RAB9A: variants seen among roughly 807,000 people sequenced by gnomAD.
The protein encoded by RAB9A is RAB9A, member RAS oncogene family.
Under a neutral mutation model 10.3 loss-of-function variants are expected in RAB9A, and 1 was observed. The ratio of observed to expected loss-of-function variants is 0.10; its 90% CI spans 0.03 to 0.46. RAB9A has a LOEUF of 0.46. Ranked by LOEUF, RAB9A falls within the 20% of genes least tolerant of loss-of-function variation. RAB9A has a pLI of 0.96. For synonymous variants in RAB9A, 39 were observed against 55.2 expected (o/e 0.71, Z 1.30); for missense variants, 92 against 150.3 (o/e 0.61, Z 2.03).
chrX:13,696,423 T>A (rs1156700912), intron 1 of RAB9A, among the ~76,000 whole-genome samples: 2 of 109,801 alleles, frequency 1.8e-5, no homozygotes, highest in Non-Finnish European at 3.8e-5. Flanking sequence ...CTCTGTCTTT[T>A]AAAAAAAGAA....
chrX:13,698,677 T>C (rs768967478), intron 1 of RAB9A, among the ~76,000 whole-genome samples: 138 of 112,273 alleles, frequency 1.2e-3, no homozygotes, highest in African/African-American at 4.4e-3. Context: ...ACATAATGAC[T>C]TTCCTTGACT....
intron 1 of RAB9A, among the ~76,000 whole-genome samples, chrX:13,700,202 G>A (rs757185770): frequency 5.4e-4 from 60 of 111,670 alleles, no homozygotes; most frequent in Non-Finnish European, 8.7e-4. Flanking sequence ...TGCCCATCTC[G>A]GCTTCCCAAA....
intron 1 of RAB9A, among the ~76,000 whole-genome samples, chrX:13,691,379 T>C (rs1307008112): frequency 9.0e-6 from 1 of 111,556 alleles, no homozygotes; most frequent in Admixed American, 9.5e-5. Flanking sequence ...AAAGAGTGAG[T>C]GGCTGGGCAC....
intron 2 of RAB9A, among the ~76,000 whole-genome samples, chrX:13,705,924 C>T (rs764439146): frequency 7.2e-5 from 8 of 110,743 alleles, no homozygotes; most frequent in African/African-American, 2.3e-4. Context: ...ATTTTAGTTC[C>T]GGGTGATGGT....
At chrX:13,701,937 T>C (rs955809614) in intron 1 of RAB9A, among the ~76,000 whole-genome samples, 1 of 111,276 alleles carries the variant, frequency 9.0e-6, no homozygotes, top group Non-Finnish European at 1.9e-5. Context: ...AAGGCCTTCC[T>C]CCCCACCTCA....
At chrX:13,689,671 T>C (rs2046111175) in intron 1 of RAB9A, among the ~76,000 whole-genome samples, 1 of 111,491 alleles carries the variant, frequency 9.0e-6, no homozygotes, top group Non-Finnish European at 1.9e-5. Context: ...AACCAAATCC[T>C]ACACCCGAAT....
In RAB9A at chrX:13,695,492, T is replaced by A. The variant is rs776161734; in HGVS notation, c.-116+6204T>A. Among the ~76,000 whole-genome samples the A allele has an allele frequency of 2.7e-5, 3 of 112,243 alleles. No homozygotes were observed. In the South Asian group the frequency reaches 1.1e-3, roughly 42 times the overall value. On this transcript the variant is annotated intron_variant, in intron 1 of 2. Coordinates refer to ENST00000464506, the MANE Select transcript of RAB9A (RefSeq NM_004251.5). ...CTATATGCCAGGTACCTAGTAGATA[T>A]TCAGTTAATAGTGGCTGCTAATATA...
At chrX:13,704,549 T>G (rs1418954878) in intron 2 of RAB9A, among the ~76,000 whole-genome samples, 1 of 111,420 alleles carries the variant, frequency 9.0e-6, no homozygotes, top group Non-Finnish European at 1.9e-5. Context: ...ATGCTTGAAT[T>G]GAACAATTAA....
intron 1 of RAB9A, among the ~76,000 whole-genome samples, chrX:13,697,162 C>G (rs1471805146): frequency 3.6e-5 from 4 of 111,915 alleles, no homozygotes; most frequent in African/African-American, 1.3e-4. Flanking sequence ...TCCCCAACCC[C>G]TAGCTTTGTC....
intron 1 of RAB9A, among the ~76,000 whole-genome samples, chrX:13,696,377 A>G (rs1432466035): frequency 9.0e-6 from 1 of 110,893 alleles, no homozygotes; most frequent in Non-Finnish European, 1.9e-5. Flanking sequence ...AGCTATGATC[A>G]TGCCACTGCC....
Position 13,709,049 on chromosome X carries a change from GAAGA to G in RAB9A, c.309_312del (p.Lys103AsnfsTer8). On this transcript the variant is annotated frameshift_variant, in exon 3 of 3. Transcript: ENST00000464506. LOFTEE classifies it high-confidence loss of function. ...AAAGCTTCCAGAACTTAAGTAACTG[GAAGA>G]AAGAATTCATATATTATGCAGATGT... is the stretch of plus-strand genomic sequence containing the variant. 8.3e-7 allele frequency: 1 copy of G among 1,211,420 alleles called. No homozygotes were observed.
In RAB9A at chrX:13,697,838, C is replaced by T. The variant is rs141281199; in HGVS notation, c.-115-5976C>T. Among the ~76,000 whole-genome samples the T allele has an allele frequency of 2.9e-3, 322 of 112,027 alleles. 1 individual carries two copies. The highest frequency in any genetic ancestry group is 9.5e-3 in the African/African-American group (294 of 30,819). On this transcript the variant is annotated intron_variant, in intron 1 of 2. Coordinates refer to ENST00000464506, the MANE Select transcript of RAB9A (RefSeq NM_004251.5). ...GCAAGCACACAAGCTTCCACCAATG[C>T]TCTCATCCTTATTTCACATGTGATT...
At chrX:13,704,115 G>A (rs926782660) in intron 2 of RAB9A, among the ~76,000 whole-genome samples, 3 of 111,733 alleles carry the variant, frequency 2.7e-5, no homozygotes, top group Non-Finnish European at 5.6e-5. Flanking sequence ...CCTATATCAC[G>A]TTGGTGCCCC....
chrX:13,698,964 CAAA>C (rs5901513), intron 1 of RAB9A, among the ~76,000 whole-genome samples: 1 of 93,579 alleles, frequency 1.1e-5, no homozygotes, highest in East Asian at 3.3e-4. Flanking sequence ...TGAATTTGAC[CAAA>C]AAAAAAAAAA....
intron 1 of RAB9A, among the ~76,000 whole-genome samples, chrX:13,692,091 C>A (rs1238427687): frequency 1.8e-5 from 2 of 110,069 alleles, no homozygotes; most frequent in Non-Finnish European, 3.8e-5. Flanking sequence ...TCACTTGAGC[C>A]CAGAAGTTTG....
intron 1 of RAB9A, among the ~76,000 whole-genome samples, chrX:13,691,633 C>G (rs1180369628): frequency 1.2e-5 from 1 of 80,458 alleles, no homozygotes; most frequent in Non-Finnish European, 2.2e-5. Flanking sequence ...GCGCTCCAGC[C>G]TGGGCAACAG....
intron 1 of RAB9A, among the ~76,000 whole-genome samples, chrX:13,701,972 C>T (rs2046176038): frequency 9.0e-6 from 1 of 111,112 alleles, no homozygotes; most frequent in Non-Finnish European, 1.9e-5. Context: ...CCCATTGCAT[C>T]CAGTTAGCTT....
At chrX:13,693,497 A>G (rs1415020982) in intron 1 of RAB9A, among the ~76,000 whole-genome samples, 1 of 111,857 alleles carries the variant, frequency 8.9e-6, no homozygotes, top group African/African-American at 3.3e-5. Flanking sequence ...AGGCGGTCCC[A>G]GGCCGTGTTG....
chrX:13,709,619 A>T lies in RAB9A; in HGVS notation c.*267A>T. On this transcript the variant is annotated 3_prime_UTR_variant, in exon 3 of 3. Coordinates refer to ENST00000464506, the MANE Select transcript of RAB9A (RefSeq NM_004251.5). ...AATATGTAAGTTGCAGAGCTAATAA[A>T]TGAAATGACCAAGACTTTAATTATA... The T allele has an allele frequency of 5.0e-6, 1 of 201,875 alleles. No homozygotes were observed. The highest frequency in any genetic ancestry group is 9.6e-6 in the Non-Finnish European group (1 of 103,709). 16.6% of individuals were successfully genotyped at this position (201,875 alleles called of 1,213,427 possible).
Sources: allele counts gnomAD v4.1 joint callset (sites outside exome capture counted in the v4.1 genomes callset), GRCh38; gene constraint gnomAD v4.1.1; transcripts MANE v1.5; gene names NCBI Gene and HGNC (gene_info 2026-07-23, HGNC 2026-07-21).